The following DLGAP2 variants were observed in gnomAD, a reference collection of about 807,000 sequenced individuals.
DLGAP2 encodes disks large-associated protein 2.
In DLGAP2, 26 loss-of-function variants were observed where a neutral mutation model predicts 100.3. The observed-to-expected ratio is 0.26, with a 90% CI of 0.19 to 0.36. DLGAP2 has a LOEUF of 0.36. DLGAP2 is among the 10% of genes least tolerant of loss of function. DLGAP2 has a pLI of 1.00. For synonymous variants in DLGAP2, 886 were observed against 630.1 expected (o/e 1.41, Z -6.08); for missense variants, 1,858 against 1,453.2 (o/e 1.28, Z -4.53).
At chr8:1,382,862 A>C (rs945514763) in intron 3 of DLGAP2, among the ~76,000 whole-genome samples, 2 of 152,218 alleles carry the variant, frequency 1.3e-5, no homozygotes, top group African/African-American at 4.8e-5. Context: ...TATCCCCCCC[A>C]AAAAAGTTCT....
intron 1 of DLGAP2, among the ~76,000 whole-genome samples, chr8:877,321 G>T (rs550643534): frequency 5.5e-4 from 84 of 152,260 alleles, no homozygotes; most frequent in African/African-American, 2.0e-3. Context: ...TCTTCGTTCA[G>T]TGATTGGCTG....
chr8:837,958 C>G (rs556324753), intron 1 of DLGAP2, among the ~76,000 whole-genome samples: 1 of 149,684 alleles, frequency 6.7e-6, no homozygotes, highest in Non-Finnish European at 1.5e-5. Context: ...TGCTCCTGAG[C>G]TCAAGTGATC....
At chr8:1,481,459 CTTTTTCTTTTTCTTTTT>C (rs1282370205) in intron 3 of DLGAP2, among the ~76,000 whole-genome samples, 2 of 90,988 alleles carry the variant, frequency 2.2e-5, no homozygotes, top group African/African-American at 7.8e-5. Context: ...TTTTCTTTTT[CTTTTTCTTTTTCTTTTT>C]TTTTTTTTTT....
chr8:1,632,749 C>G, intron 7 of DLGAP2, 78 bp from the exon 8 acceptor site: 5 of 1,406,482 alleles, frequency 3.6e-6, no homozygotes, highest in Non-Finnish European at 4.8e-6. Flanking sequence ...TGGGAATGAG[C>G]GCGCTCTCCT....
At chr8:1,026,380 T>C (rs1162946496) in intron 2 of DLGAP2, among the ~76,000 whole-genome samples, 4 of 152,142 alleles carry the variant, frequency 2.6e-5, no homozygotes, top group Admixed American at 2.6e-4. Flanking sequence ...ACGGTTGGTG[T>C]TGTACTGTCT....
intron 10 of DLGAP2, among the ~76,000 whole-genome samples, chr8:1,675,717 T>C (rs1798795922): frequency 1.3e-5 from 2 of 152,212 alleles, no homozygotes; most frequent in South Asian, 4.1e-4. Context: ...AAAAGTCCTT[T>C]TGATACAATA....
At chr8:1,308,789 T>C (rs1016144652) in intron 3 of DLGAP2, among the ~76,000 whole-genome samples, 4 of 152,206 alleles carry the variant, frequency 2.6e-5, no homozygotes, top group Admixed American at 1.3e-4. Flanking sequence ...CCTCCCCAAG[T>C]GCTGGGATTA....
intron 1 of DLGAP2, among the ~76,000 whole-genome samples, chr8:806,755 A>G (rs570151071): frequency 2.0e-4 from 30 of 152,370 alleles, no homozygotes; most frequent in Middle Eastern, 6.8e-3. Context: ...GTGACACAGC[A>G]GACTCTCCTA....
intron 1 of DLGAP2, among the ~76,000 whole-genome samples, chr8:884,164 G>A (rs916636331): frequency 9.2e-5 from 14 of 152,198 alleles, no homozygotes; most frequent in Non-Finnish European, 1.9e-4. Context: ...CCAGTAATGG[G>A]ATTGCTGGGG....
At chr8:1,420,106 C>T (rs1025839423) in intron 3 of DLGAP2, among the ~76,000 whole-genome samples, 4 of 152,134 alleles carry the variant, frequency 2.6e-5, no homozygotes, top group African/African-American at 4.8e-5. Context: ...TTTTCCCTTC[C>T]TGGAGGTCTG....
At chr8:1,613,634 A>G (rs1036308443) in intron 6 of DLGAP2, among the ~76,000 whole-genome samples, 3 of 152,202 alleles carry the variant, frequency 2.0e-5, no homozygotes, top group Non-Finnish European at 4.4e-5. Flanking sequence ...CGATGCCTTC[A>G]TAAATGATGC....
intron 2 of DLGAP2, among the ~76,000 whole-genome samples, chr8:1,227,906 T>C (rs1400428904): frequency 6.6e-6 from 1 of 152,204 alleles, no homozygotes; most frequent in Admixed American, 6.5e-5. Flanking sequence ...TTAGCTGCTC[T>C]TGCTATACAC....
In DLGAP2 at chr8:1,430,019, TATATATATACACAC is replaced by T. The variant is rs1797376297; in HGVS notation, c.107-71345_107-71332del. Among the ~76,000 whole-genome samples, 9 of 93,552 alleles carry T rather than the reference TATATATATACACAC, an allele frequency of 9.6e-5. 1 individual carries two copies. Among genetic ancestry groups the T allele is most frequent in the African/African-American group, 4.1e-4 (9 of 22,120 alleles). 61.4% of individuals were successfully genotyped at this position (93,552 alleles called of 152,430 possible). On this transcript the variant is annotated intron_variant, in intron 3 of 14. Transcript: ENST00000637795. ...ATGCATATATATACATATATATATA[TATATATATACACAC>T]ACACACATATGAACTTAGAATTCAT...
chr8:1,373,279 C>T (rs1264147413), intron 3 of DLGAP2, among the ~76,000 whole-genome samples: 1 of 151,438 alleles, frequency 6.6e-6, no homozygotes, highest in Non-Finnish European at 1.5e-5. Flanking sequence ...CGCGTGCGGC[C>T]CGGAGGGTGT....
intron 3 of DLGAP2, among the ~76,000 whole-genome samples, chr8:1,336,075 C>G (rs1801266739): frequency 1.3e-5 from 2 of 152,258 alleles, no homozygotes; most frequent in Non-Finnish European, 2.9e-5. Context: ...CAAGCCTGGT[C>G]CTCCACATGT....
chr8:1,410,179 C>T (rs1335176102), intron 3 of DLGAP2, among the ~76,000 whole-genome samples: 1 of 152,130 alleles, frequency 6.6e-6, no homozygotes, highest in East Asian at 1.9e-4. Flanking sequence ...GAGGAGACTG[C>T]AAGCTTCGAT....
At chr8:1,426,463 A>C (rs1797239032) in intron 3 of DLGAP2, among the ~76,000 whole-genome samples, 1 of 152,322 alleles carries the variant, frequency 6.6e-6, no homozygotes, top group South Asian at 2.1e-4. Context: ...AAGTTAGCAG[A>C]ATTCCAGAAG....
intron 1 of DLGAP2, among the ~76,000 whole-genome samples, chr8:778,997 C>T (rs528613559): frequency 2.6e-4 from 39 of 152,322 alleles, no homozygotes; most frequent in Middle Eastern, 3.4e-3. Context: ...AGCGAGACTC[C>T]GTGGGGTAGG....
At chr8:1,126,868 C>T (rs1796176912) in intron 2 of DLGAP2, among the ~76,000 whole-genome samples, 2 of 151,956 alleles carry the variant, frequency 1.3e-5, no homozygotes, top group Non-Finnish European at 2.9e-5. Context: ...ACTGGATTGT[C>T]CCTGGGGAAA....
Sources: allele counts gnomAD v4.1 joint callset (sites outside exome capture counted in the v4.1 genomes callset), GRCh38; gene constraint gnomAD v4.1.1; transcripts MANE v1.5; gene names NCBI Gene and HGNC (gene_info 2026-07-23, HGNC 2026-07-21).